The following PGM2 variants were observed in gnomAD, a reference collection of about 807,000 sequenced individuals.
PGM2 encodes the protein phosphoglucomutase 2.
In PGM2, 57 loss-of-function variants were observed where a neutral mutation model predicts 74.6. That is an observed-to-expected ratio of 0.76 (90% confidence interval 0.62 to 0.95). PGM2 has a LOEUF of 0.95. Ranked by LOEUF, PGM2 falls within the 40% of genes least tolerant of loss-of-function variation. PGM2 has a pLI of 0.00. For missense variants in PGM2, 706 were observed against 741.9 expected, an observed-to-expected ratio of 0.95 and a Z score of 0.56; for synonymous variants, 273 against 260.7, an observed-to-expected ratio of 1.05 and a Z score of -0.46.
In PGM2 at chr4:37,844,975, CAAA is replaced by C. The variant is rs35469320; in HGVS notation, c.909+440_909+442del. Among the ~76,000 whole-genome samples the C allele has an allele frequency of 3.4e-3, 321 of 94,308 alleles. 1 individual carries two copies. The highest frequency in any genetic ancestry group is 0.011 in the African/African-American group (285 of 26,160). 61.9% of individuals were successfully genotyped at this position (94,308 alleles called of 152,430 possible). A position where few individuals can be genotyped will look rare whatever the true frequency, so the allele number is the denominator to read the frequency against. ...AGGGTGACAGAGCGAGACTTTGTCT[CAAA>C]AAAAAAAAAAAAAAAAACAAGAAGT... On this transcript the variant is annotated intron_variant, in intron 7 of 13. Coordinates refer to ENST00000381967, the MANE Select transcript of PGM2 (RefSeq NM_018290.4).
chr4:37,844,260 G>A (rs774184287), intron 6 of PGM2, 104 bp from the exon 7 acceptor site: 27 of 678,896 alleles, frequency 4.0e-5, no homozygotes, highest in Non-Finnish European at 6.4e-5. Context: ...TTCTGAAATG[G>A]AATTAGAAAG....
chr4:37,857,951 T>C (rs1487842946), intron 13 of PGM2, among the ~76,000 whole-genome samples: 1 of 152,198 alleles, frequency 6.6e-6, no homozygotes, highest in African/African-American at 2.4e-5. Context: ...TTTCATTCTT[T>C]TAAAAAGAAA....
chr4:37,850,091 T>C, intron 11 of PGM2, 93 bp from the exon 12 acceptor site: 1 of 719,346 alleles, frequency 1.4e-6, no homozygotes, highest in Non-Finnish European at 2.3e-6. Flanking sequence ...CCCAGCCATA[T>C]TTATTTTAGA....
At chr4:37,860,072 A>C (rs140525611) in intron 13 of PGM2, among the ~76,000 whole-genome samples, 1 of 152,208 alleles carries the variant, frequency 6.6e-6, no homozygotes, top group African/African-American at 2.4e-5. Flanking sequence ...TGCAATATCA[A>C]AAACATATCA....
At chr4:37,843,616 T>A (rs1577677647) in intron 6 of PGM2, among the ~76,000 whole-genome samples, 1 of 150,006 alleles carries the variant, frequency 6.7e-6, no homozygotes, top group South Asian at 2.1e-4. Flanking sequence ...TATTATTTTT[T>A]TTTTTTTCCT....
At chr4:37,856,615 C>T (rs1726207173) in intron 13 of PGM2, among the ~76,000 whole-genome samples, 1 of 152,088 alleles carries the variant, frequency 6.6e-6, no homozygotes, top group Admixed American at 6.6e-5. Flanking sequence ...TAACATTTTG[C>T]ACCTTAACAA....
At chr4:37,829,856 A>G (rs1158222009) in intron 1 of PGM2, 108 bp from the exon 2 acceptor site, 18 of 342,920 alleles carry the variant, frequency 5.2e-5, no homozygotes, top group Non-Finnish European at 1.0e-5. Flanking sequence ...ACATATATAT[A>G]TATACATATA....
chr4:37,833,940 G>A (rs1560412307), intron 2 of PGM2, among the ~76,000 whole-genome samples: 2 of 152,118 alleles, frequency 1.3e-5, no homozygotes, highest in Non-Finnish European at 2.9e-5. Flanking sequence ...GCCCTACACT[G>A]AACTACCTCT....
chr4:37,826,852 G>C, intron 1 of PGM2, 39 bp downstream of exon 1: 1 of 1,359,462 alleles, frequency 7.4e-7, no homozygotes, highest in Non-Finnish European at 1.0e-6. Context: ...CTGGAGCGGG[G>C]CCGGGTGCTC....
chr4:37,828,647 T>G (rs146288246), intron 1 of PGM2, among the ~76,000 whole-genome samples: 84 of 152,322 alleles, frequency 5.5e-4, no homozygotes, highest in Non-Finnish European at 1.0e-3. Flanking sequence ...CTGTCTCCTT[T>G]GTTTCTCTCA....
At chr4:37,836,429 C>T (rs1027715615) in intron 3 of PGM2, among the ~76,000 whole-genome samples, 17 of 152,152 alleles carry the variant, frequency 1.1e-4, no homozygotes, top group African/African-American at 2.7e-4. Flanking sequence ...GAATTTCGCC[C>T]GAGGAGATGT....
chr4:37,834,575 AAT>A (rs1725516008), intron 2 of PGM2, 41 bp from the exon 3 acceptor site: 2 of 1,017,836 alleles, frequency 2.0e-6, no homozygotes, highest in Non-Finnish European at 1.5e-6. Flanking sequence ...TATATATAAA[AAT>A]ATGTTAAAAC....
rs553912498 is a variant in PGM2 at position 37,840,486 on chromosome 4, G to A, written c.719+227G>A. Among the ~76,000 whole-genome samples the A allele has an allele frequency of 1.2e-4, 18 of 152,294 alleles. No individual in the cohort carries two copies. In the East Asian group the frequency reaches 3.3e-3, roughly 28 times the overall value. On this transcript the variant is annotated intron_variant, in intron 6 of 13. Transcript: ENST00000381967. ...CAACCTCTGCCTTCTGGGTTCAAGC[G>A]ATTCTTGTGCCTCAGCCTCCCAAGT... is the stretch of plus-strand genomic sequence containing the variant.
chr4:37,860,405 C>T (rs533372989), intron 13 of PGM2, among the ~76,000 whole-genome samples: 1 of 152,182 alleles, frequency 6.6e-6, no homozygotes, highest in African/African-American at 2.4e-5. Flanking sequence ...TAATTTATCG[C>T]AATCTGTACA....
intron 3 of PGM2, among the ~76,000 whole-genome samples, 194 bp downstream of exon 3, chr4:37,834,918 C>A (rs1422748351): frequency 6.6e-6 from 1 of 152,122 alleles, no homozygotes; most frequent in Non-Finnish European, 1.5e-5. Context: ...ATTATTTAGA[C>A]AATTTAGAAT....
At position 37,861,764 on chromosome 4, in the gene PGM2, C is replaced by T. The variant is rs10569; in HGVS notation, c.*152C>T. On this transcript the variant is annotated 3_prime_UTR_variant, in exon 14 of 14. Coordinates refer to ENST00000381967, the MANE Select transcript of PGM2 (RefSeq NM_018290.4). ...CATTCCTCATTGTTTCATGTTTGAC[C>T]TTTAAGGTGAAAAAAGAAAATGGCC... The T allele has an allele frequency of 0.12, 54,562 of 464,854 alleles. 3,460 individuals are homozygous for T. The highest frequency in any genetic ancestry group is 0.2 in the African/African-American group (10,398 of 51,414). The allele number at this position is 464,854 out of a possible 1,614,324, so 28.8% of individuals were successfully genotyped here.
rs372170753 is a variant in PGM2, at chr4:37,861,532, G to A, written c.1759G>A (p.Glu587Lys). Residue 587 changes from glutamate to lysine, a missense_variant, in exon 14 of 14, where the codon GAA (glutamate) becomes AAA (lysine). This residue lies in a region of PGM2 where 359 missense variants were observed against 371.1 expected (regional missense o/e 0.97). Transcript: ENST00000381967. ...GNSDPEQLKK[E>K]LNELVSAIEE... ...CAGTGATCCTGAGCAGCTGAAGAAGGAACTGAATGAACTGGTCAGTGCTAT... is the reference window on the plus strand; with the variant it reads ...CAGTGATCCTGAGCAGCTGAAGAAGAAACTGAATGAACTGGTCAGTGCTAT... The A allele has an allele frequency of 3.3e-5, 54 of 1,612,096 alleles. 1 individual carries two copies. In the East Asian group the frequency reaches 6.5e-4, roughly 19 times the overall value.
chr4:37,850,703 C>T (rs1726017151), intron 12 of PGM2, among the ~76,000 whole-genome samples: 1 of 151,522 alleles, frequency 6.6e-6, no homozygotes, highest in African/African-American at 2.4e-5. Context: ...GAAAGAGACT[C>T]TACTAGGCTG....
intron 12 of PGM2, among the ~76,000 whole-genome samples, chr4:37,850,606 G>A (rs1415578003): frequency 6.6e-6 from 1 of 152,094 alleles, no homozygotes; most frequent in Non-Finnish European, 1.5e-5. Context: ...TTCGAGACCA[G>A]CCTGGCCAAC....
Sources: allele counts gnomAD v4.1 joint callset (sites outside exome capture counted in the v4.1 genomes callset), GRCh38; gene constraint gnomAD v4.1.1; regional missense constraint gnomAD v4.1.1; transcripts MANE v1.5; gene names NCBI Gene and HGNC (gene_info 2026-07-23, HGNC 2026-07-21).